The following SUPT3H variants were observed in gnomAD, a reference collection of about 807,000 sequenced individuals.
SUPT3H encodes transcription initiation protein SPT3 homolog.
SUPT3H carries 44 observed loss-of-function variants against 44.3 expected under a neutral mutation model. The observed-to-expected ratio is 0.99, with a 90% CI of 0.78 to 1.28. SUPT3H has a LOEUF of 1.28. Ranked by LOEUF, SUPT3H falls within the 50% of genes most tolerant of loss-of-function variation. The pLI is 0.00. For synonymous variants in SUPT3H, 124 were observed against 125.6 expected (o/e 0.99, Z 0.09); for missense variants, 380 against 387.1 (o/e 0.98, Z 0.15).
chr6:44,938,988 A>T (rs1369748927), intron 9 of SUPT3H, among the ~76,000 whole-genome samples: 1 of 152,148 alleles, frequency 6.6e-6, no homozygotes, highest in Non-Finnish European at 1.5e-5. Context: ...AGGTTTTTCT[A>T]GATATAAGAT....
chr6:45,169,757 A>G (rs898614318), intron 2 of SUPT3H, among the ~76,000 whole-genome samples: 2 of 152,174 alleles, frequency 1.3e-5, no homozygotes, highest in Non-Finnish European at 2.9e-5. Flanking sequence ...TAGTTTTATT[A>G]TTTTCTAGGC....
intron 7 of SUPT3H, among the ~76,000 whole-genome samples, chr6:44,961,275 TAGG>T (rs1775981939): frequency 6.6e-6 from 1 of 152,128 alleles, no homozygotes; most frequent in Non-Finnish European, 1.5e-5. Context: ...CATGCCACGG[TAGG>T]AGGTTAGACA....
intron 3 of SUPT3H, among the ~76,000 whole-genome samples, chr6:45,052,614 A>C (rs1254511646): frequency 6.6e-6 from 1 of 152,208 alleles, no homozygotes; most frequent in Non-Finnish European, 1.5e-5. Context: ...GCAATAACAA[A>C]ACAAAACCTC....
At chr6:45,276,161 AACAT>A (rs1218635242) in intron 2 of SUPT3H, among the ~76,000 whole-genome samples, 12 of 152,132 alleles carry the variant, frequency 7.9e-5, no homozygotes, top group African/African-American at 2.9e-4. Flanking sequence ...CAAAAATGTC[AACAT>A]ACATAAACAT....
chr6:44,817,108 T>TCACACA (rs35760659), intron 11 of SUPT3H, among the ~76,000 whole-genome samples: 1,659 of 150,038 alleles, frequency 0.011, 19 homozygotes, highest in South Asian at 0.036. Flanking sequence ...ACATACATAT[T>TCACACA]CACACACACA....
In SUPT3H at chr6:45,092,495, A is replaced by C. The variant is rs1324952761; in HGVS notation, c.186+13427T>G. ...GCCGGGTGCGGTGGCTCACACCTGTAATCCCAGCATTTGGGAGGCTGAGGC... is the reference window on the plus strand; with the variant it reads ...GCCGGGTGCGGTGGCTCACACCTGTCATCCCAGCATTTGGGAGGCTGAGGC... On this transcript the variant is annotated intron_variant, in intron 3 of 10. Coordinates refer to ENST00000371459, the MANE Select transcript of SUPT3H (RefSeq NM_003599.4). 1.2e-4 allele frequency among the ~76,000 whole-genome samples: 18 copies of C among 152,248 alleles called. No individual in the cohort carries two copies. In the East Asian group the frequency reaches 3.5e-3, roughly 29 times the overall value.
chr6:44,900,993 A>C (rs191296554), intron 10 of SUPT3H, among the ~76,000 whole-genome samples: 272 of 152,348 alleles, frequency 1.8e-3, no homozygotes, highest in African/African-American at 6.4e-3. Context: ...AACAAACAGA[A>C]GGAACATCCA....
chr6:44,978,581 T>C (rs974141894), intron 6 of SUPT3H, among the ~76,000 whole-genome samples: 6 of 152,190 alleles, frequency 3.9e-5, no homozygotes, highest in Non-Finnish European at 8.8e-5. Context: ...ACAATGAGAA[T>C]ATGCATACTG....
intron 3 of SUPT3H, among the ~76,000 whole-genome samples, chr6:45,057,204 C>A (rs548576843): frequency 6.6e-6 from 1 of 151,990 alleles, no homozygotes; most frequent in South Asian, 2.1e-4. Flanking sequence ...AATGTTTTTC[C>A]TTTTTAAAAT....
intron 2 of SUPT3H, among the ~76,000 whole-genome samples, chr6:45,201,394 G>T (rs577389433): frequency 4.6e-5 from 7 of 151,630 alleles, no homozygotes; most frequent in African/African-American, 1.7e-4. Context: ...TTCACATTTG[G>T]TAAAATACAG....
At chr6:45,085,773 T>A (rs1334938690) in intron 3 of SUPT3H, among the ~76,000 whole-genome samples, 1 of 152,078 alleles carries the variant, frequency 6.6e-6, no homozygotes, top group African/African-American at 2.4e-5. Flanking sequence ...TTGAATGAGA[T>A]TCAATCGAAT....
At chr6:45,080,256 CCA>C (rs1376806987) in intron 3 of SUPT3H, among the ~76,000 whole-genome samples, 1 of 152,054 alleles carries the variant, frequency 6.6e-6, no homozygotes, top group African/African-American at 2.4e-5. Flanking sequence ...GTATCTCACC[CCA>C]GTTAAAATGG....
chr6:45,143,727 C>CA (rs938885665), intron 2 of SUPT3H, among the ~76,000 whole-genome samples: 15 of 151,350 alleles, frequency 9.9e-5, no homozygotes, highest in Admixed American at 2.0e-4. Flanking sequence ...GAAATTGAAA[C>CA]AAAAAAATGC....
At chr6:45,136,350 C>T (rs946743402) in intron 2 of SUPT3H, among the ~76,000 whole-genome samples, 1 of 151,852 alleles carries the variant, frequency 6.6e-6, no homozygotes. Context: ...ACAATAACCC[C>T]AAAGGAAGAA....
intron 2 of SUPT3H, among the ~76,000 whole-genome samples, chr6:45,333,853 C>G (rs1331633690): frequency 6.6e-6 from 1 of 151,040 alleles, no homozygotes; most frequent in East Asian, 1.9e-4. Context: ...AAAATCATAC[C>G]AAGGGTGACT....
At chr6:44,980,001 C>T (rs1472240712) in intron 6 of SUPT3H, among the ~76,000 whole-genome samples, 1 of 152,160 alleles carries the variant, frequency 6.6e-6, no homozygotes, top group African/African-American at 2.4e-5. Context: ...TTTCTGGCTA[C>T]ATATATAAGC....
chr6:45,151,019 C>T (rs1583854381), intron 2 of SUPT3H, among the ~76,000 whole-genome samples: 1 of 152,262 alleles, frequency 6.6e-6, no homozygotes, highest in East Asian at 1.9e-4. Flanking sequence ...CCGCACCCAG[C>T]CATCTTTATA....
chr6:45,079,573 A>G (rs1278763178), intron 3 of SUPT3H, among the ~76,000 whole-genome samples: 1 of 152,174 alleles, frequency 6.6e-6, no homozygotes, highest in Non-Finnish European at 1.5e-5. Context: ...TAGTAACCAA[A>G]ACTGTATGGT....
intron 3 of SUPT3H, among the ~76,000 whole-genome samples, chr6:45,065,647 A>AAATAC (rs1793149830): frequency 6.6e-6 from 1 of 151,190 alleles, no homozygotes; most frequent in Admixed American, 6.6e-5. Flanking sequence ...GATCCCACAG[A>AAATAC]AATACAAACT....
Sources: gnomAD v4.1 joint callset for allele counts (sites outside exome capture counted in the v4.1 genomes callset) on GRCh38, gnomAD v4.1.1 for gene constraint, MANE v1.5 for transcripts, NCBI Gene and HGNC (gene_info 2026-07-23, HGNC 2026-07-21) for gene names.